The following ENPP6 variants were observed in gnomAD, a reference collection of about 807,000 sequenced individuals.
The protein encoded by ENPP6 is ectonucleotide pyrophosphatase/phosphodiesterase 6.
Under a neutral mutation model 42.0 loss-of-function variants are expected in ENPP6, and 32 were observed. The ratio of observed to expected loss-of-function variants is 0.76; its 90% CI spans 0.58 to 1.02. The LOEUF is 1.02. Among genes scored for constraint, ENPP6 ranks in the 50% least tolerant of loss-of-function variants. The pLI, the probability that ENPP6 is intolerant of heterozygous loss-of-function variation, is 0.00. For synonymous variants in ENPP6, 213 were observed against 216.0 expected, an observed-to-expected ratio of 0.99 and a Z score of 0.12; for missense variants, 552 against 566.8, an observed-to-expected ratio of 0.97 and a Z score of 0.27.
At chr4:184,150,712 A>C (rs1737010026) in intron 2 of ENPP6, among the ~76,000 whole-genome samples, 1 of 152,236 alleles carries the variant, frequency 6.6e-6, no homozygotes, top group South Asian at 2.1e-4. Flanking sequence ...CCAGTTTAGA[A>C]GGACTAGACA....
At position 184,113,871 on chromosome 4, in the gene ENPP6, TTCTC is replaced by T. The variant is rs924435165; in HGVS notation, c.856-1066_856-1063del. On this transcript the variant is annotated intron_variant, in intron 5 of 7. Coordinates refer to ENST00000296741, the MANE Select transcript of ENPP6 (RefSeq NM_153343.4). ...CATATTTCTTTTTATCTCTCTCTCT[TTCTC>T]TTTCTTTTTCCTTCCTTTCTTTCTT... 1.2e-4 allele frequency among the ~76,000 whole-genome samples: 18 copies of T among 151,926 alleles called. 1 individual carries two copies. The highest frequency in any genetic ancestry group is 4.1e-4 in the African/African-American group (17 of 41,446).
chr4:184,156,636 A>G (rs1737164049), intron 1 of ENPP6, among the ~76,000 whole-genome samples: 1 of 152,186 alleles, frequency 6.6e-6, no homozygotes, highest in African/African-American at 2.4e-5. Context: ...AGTGGTTTTC[A>G]GGTATGATGT....
intron 1 of ENPP6, among the ~76,000 whole-genome samples, chr4:184,196,613 G>A (rs1732804426): frequency 6.6e-6 from 1 of 152,216 alleles, no homozygotes; most frequent in Admixed American, 6.5e-5. Flanking sequence ...TTTGGAAGGA[G>A]GGCATCTTAT....
chr4:184,110,710 C>A (rs1232016274), intron 6 of ENPP6, among the ~76,000 whole-genome samples: 1 of 152,200 alleles, frequency 6.6e-6, no homozygotes, highest in Admixed American at 6.5e-5. Flanking sequence ...TGCAGAAGAG[C>A]TTGCTTGGGG....
intron 1 of ENPP6, among the ~76,000 whole-genome samples, chr4:184,182,849 G>A (rs1732573991): frequency 6.6e-6 from 1 of 152,176 alleles, no homozygotes; most frequent in Non-Finnish European, 1.5e-5. Context: ...ACACACTGGG[G>A]CCTGTTGGGG....
At chr4:184,206,984 G>C (rs768524474) in intron 1 of ENPP6, among the ~76,000 whole-genome samples, 1 of 152,212 alleles carries the variant, frequency 6.6e-6, no homozygotes, top group Non-Finnish European at 1.5e-5. Flanking sequence ...GTGTGAGAAC[G>C]GGACCTCTGA....
At chr4:184,147,134 A>G (rs536117760) in intron 2 of ENPP6, among the ~76,000 whole-genome samples, 1 of 152,310 alleles carries the variant, frequency 6.6e-6, no homozygotes, top group South Asian at 2.1e-4. Context: ...GATTCAGTGA[A>G]GAATCACCAT....
chr4:184,180,019 A>T (rs1328635210), intron 1 of ENPP6, among the ~76,000 whole-genome samples: 1 of 152,186 alleles, frequency 6.6e-6, no homozygotes, highest in East Asian at 1.9e-4. Flanking sequence ...AATAACCAAG[A>T]TCAGAGGAGA....
chr4:184,203,771 C>G (rs1732942872), intron 1 of ENPP6, among the ~76,000 whole-genome samples: 1 of 152,206 alleles, frequency 6.6e-6, no homozygotes, highest in Non-Finnish European at 1.5e-5. Context: ...AGGAAGCTAA[C>G]ACACCATGAC....
chr4:184,117,209 G>A (rs759252915), intron 4 of ENPP6, among the ~76,000 whole-genome samples, 174 bp from the exon 5 acceptor site: 6 of 152,128 alleles, frequency 3.9e-5, no homozygotes, highest in African/African-American at 9.7e-5. Flanking sequence ...AGCCCTTTGC[G>A]GAGGGGACTG....
At chr4:184,177,005 A>G (rs1027770326) in intron 1 of ENPP6, among the ~76,000 whole-genome samples, 2 of 152,172 alleles carry the variant, frequency 1.3e-5, no homozygotes. Context: ...TACAACCTAC[A>G]GGTCAGGAGA....
intron 1 of ENPP6, among the ~76,000 whole-genome samples, chr4:184,164,107 A>G (rs1737311264): frequency 6.6e-6 from 1 of 152,170 alleles, no homozygotes; most frequent in African/African-American, 2.4e-5. Flanking sequence ...GAGATGACAG[A>G]GGAGTTTGGG....
At chr4:184,206,276 G>C (rs1213975911) in intron 1 of ENPP6, among the ~76,000 whole-genome samples, 1 of 14,618 alleles carries the variant, frequency 6.8e-5, no homozygotes, top group African/African-American at 3.5e-4. Flanking sequence ...TTTTTTTTTT[G>C]AGACGGAGTC....
chr4:184,214,444 CA>C (rs1451695822), intron 1 of ENPP6, among the ~76,000 whole-genome samples: 1 of 152,170 alleles, frequency 6.6e-6, no homozygotes, highest in African/African-American at 2.4e-5. Flanking sequence ...GTTGATTCCC[CA>C]TCCCCATCCA....
intron 2 of ENPP6, among the ~76,000 whole-genome samples, chr4:184,148,799 A>C (rs1248062358): frequency 6.6e-6 from 1 of 152,328 alleles, no homozygotes; most frequent in East Asian, 1.9e-4. Flanking sequence ...TGCATTAAAA[A>C]ACCAAATCAA....
chr4:184,091,429 C>A (rs760618569), intron 7 of ENPP6, 47 bp from the exon 8 acceptor site: 2 of 1,534,996 alleles, frequency 1.3e-6, no homozygotes, highest in South Asian at 2.5e-5. Flanking sequence ...AGCTCCAGGG[C>A]AGAGGTGGGC....
intron 6 of ENPP6, 36 bp downstream of exon 6, chr4:184,112,636 G>C: frequency 1.3e-6 from 2 of 1,598,182 alleles, no homozygotes; most frequent in Non-Finnish European, 8.5e-7. Flanking sequence ...TATAGAATTT[G>C]CATAGAGAAT....
At position 184,124,212 on chromosome 4, in the gene ENPP6, G is replaced by A; in HGVS notation, c.482C>T (p.Pro161Leu). The A allele has an allele frequency of 1.9e-6, 3 of 1,614,034 alleles. No homozygotes were observed. The highest frequency in any genetic ancestry group is 2.5e-6 in the Non-Finnish European group (3 of 1,179,954). The change falls in exon 3 of 8, where the codon CCA (proline) becomes CTA (leucine). Residue 161 changes from proline to leucine, a missense_variant. Pro to Leu is a moderately conservative substitution (Grantham distance 98, BLOSUM62 -3). Around this residue, in one of 2 missense-constraint regions of ENPP6, gnomAD observed 545 missense variants for 546.3 expected, o/e 1.00. Coordinates refer to ENST00000296741, the MANE Select transcript of ENPP6 (RefSeq NM_153343.4). ...TGCATTGGCAAAATTGATATCCGTTGGGACATTTTTATATTCTAGGCAGTA... is the reference window on the plus strand; with the variant it reads ...TGCATTGGCAAAATTGATATCCGTTAGGACATTTTTATATTCTAGGCAGTA... ...PTYCLEYKNVPTDINFANAVS... is the reference protein window; with the variant it reads ...PTYCLEYKNVLTDINFANAVS...
chr4:184,131,503 A>G (rs7694100), intron 2 of ENPP6, among the ~76,000 whole-genome samples: 100,485 of 147,962 alleles, frequency 0.68, 34,341 homozygotes, highest in African/African-American at 0.72. Context: ...ACAGGCACCC[A>G]TCACCATGCC....
Sources: allele counts gnomAD v4.1 joint callset (sites outside exome capture counted in the v4.1 genomes callset), GRCh38; gene constraint gnomAD v4.1.1; regional missense constraint gnomAD v4.1.1; transcripts MANE v1.5; gene names NCBI Gene and HGNC (gene_info 2026-07-23, HGNC 2026-07-21).